The following OSBPL6 variants were observed in gnomAD, a reference collection of about 807,000 sequenced individuals.
OSBPL6 encodes oxysterol-binding protein-related protein 6.
Under a neutral mutation model 125.8 loss-of-function variants are expected in OSBPL6, and 49 were observed. That is an observed-to-expected ratio of 0.39 (90% CI 0.31 to 0.49). The LOEUF (loss-of-function observed/expected upper bound fraction) is 0.49. Ranked by LOEUF, OSBPL6 falls within the 20% of genes least tolerant of loss-of-function variation. The probability of loss-of-function intolerance (pLI) is 0.88; values close to 1 mark genes in which losing one functional copy is unlikely to be tolerated. For missense variants in OSBPL6, 986 were observed against 1,135.4 expected (o/e 0.87, Z 1.89); for synonymous variants, 394 against 391.8 (o/e 1.01, Z -0.07).
At position 178,339,734 on chromosome 2, in the gene OSBPL6, T is replaced by C. The variant is rs1282026976; in HGVS notation, c.957T>C (p.Ser319=). 1.2e-6 allele frequency: 2 copies of C among 1,605,880 alleles called. No homozygotes were observed. Among genetic ancestry groups the C allele is most frequent in the Admixed American group, 1.7e-5 (1 of 58,594 alleles). The change falls in exon 11 of 25, where the codon AGT becomes AGC. Residue 319 remains serine, a synonymous_variant. Coordinates refer to ENST00000190611, the MANE Select transcript of OSBPL6 (RefSeq NM_032523.4). ...TCACAAGACGATGGAGAACAAAAAGTGTCAGCAAAGATACAAAAATACAAC... is the reference window on the plus strand; with the variant it reads ...TCACAAGACGATGGAGAACAAAAAGCGTCAGCAAAGATACAAAAATACAAC... ...KRVTRRWRTK[S]VSKDTKIQLQ...
intron 22 of OSBPL6, 90 bp downstream of exon 22, chr2:178,391,307 T>C (rs2154118891): frequency 1.5e-6 from 2 of 1,350,286 alleles, no homozygotes; most frequent in East Asian, 5.0e-5. Flanking sequence ...CAACTCACAT[T>C]ATGTTTCCTT....
intron 1 of OSBPL6, among the ~76,000 whole-genome samples, chr2:178,215,600 T>C (rs1472692594): frequency 6.6e-6 from 1 of 152,064 alleles, no homozygotes; most frequent in Non-Finnish European, 1.5e-5. Context: ...CCCAGCTTTA[T>C]TCTGCAGAGA....
intron 1 of OSBPL6, among the ~76,000 whole-genome samples, chr2:178,267,816 GCA>G (rs1553538070): frequency 1.2e-5 from 1 of 85,102 alleles, no homozygotes; most frequent in African/African-American, 3.3e-5. Context: ...TCAAGTAATT[GCA>G]AAAAAAAAAA....
chr2:178,394,465 A>T (rs373159503), intron 24 of OSBPL6, 30 bp downstream of exon 24: 1 of 1,581,966 alleles, frequency 6.3e-7, no homozygotes, highest in Non-Finnish European at 8.6e-7. Flanking sequence ...TAGCAAGTTC[A>T]TGTTTTGCAA....
chr2:178,268,059 T>A (rs947225538), intron 1 of OSBPL6, among the ~76,000 whole-genome samples: 1 of 151,448 alleles, frequency 6.6e-6, no homozygotes, highest in African/African-American at 2.4e-5. Flanking sequence ...AAAGTAAATA[T>A]GGTGCTTTTA....
At chr2:178,237,389 A>ACTGCCTATGCTTTCATTCCTC (rs1370167083) in intron 1 of OSBPL6, among the ~76,000 whole-genome samples, 1 of 151,894 alleles carries the variant, frequency 6.6e-6, no homozygotes, top group Non-Finnish European at 1.5e-5. Context: ...CTGCATTCTT[A>ACTGCCTATGCTTTCATTCCTC]CTGCCTATGC....
chr2:178,354,625 A>T (rs1403682422), intron 12 of OSBPL6, among the ~76,000 whole-genome samples: 2 of 152,216 alleles, frequency 1.3e-5, no homozygotes, highest in African/African-American at 4.8e-5. Context: ...TTAGACTCCC[A>T]CACAATAATA....
chr2:178,261,899 G>A (rs183496072), intron 1 of OSBPL6, among the ~76,000 whole-genome samples: 1 of 152,122 alleles, frequency 6.6e-6, no homozygotes, highest in South Asian at 2.1e-4. Context: ...AGATTGGCTG[G>A]GTACAAACCC....
chr2:178,335,153 C>G (rs1689565426), intron 8 of OSBPL6, among the ~76,000 whole-genome samples: 1 of 151,936 alleles, frequency 6.6e-6, no homozygotes, highest in African/African-American at 2.4e-5. Flanking sequence ...ACATCACTGG[C>G]ACAGACTATT....
At chr2:178,390,149 T>C (rs1272962516) in intron 21 of OSBPL6, among the ~76,000 whole-genome samples, 1 of 152,244 alleles carries the variant, frequency 6.6e-6, no homozygotes, top group East Asian at 1.9e-4. Context: ...AACTAAAATA[T>C]GTAAATCAAG....
At chr2:178,218,864 G>A (rs1261307307) in intron 1 of OSBPL6, among the ~76,000 whole-genome samples, 2 of 151,954 alleles carry the variant, frequency 1.3e-5, no homozygotes, top group African/African-American at 4.8e-5. Flanking sequence ...TCCTGACCTC[G>A]TGATCTGCCC....
In OSBPL6 at chr2:178,332,582, A is replaced by G. The variant is rs1413089063; in HGVS notation, c.373-59A>G. ...GATTACTTTGAGTTCACTTAAATAC[A>G]GTACAGAAACATCAAATCATATATC... On this transcript the variant is annotated intron_variant, in intron 6 of 24. Transcript: ENST00000190611. 8 of 1,245,468 alleles carry G rather than the reference A, an allele frequency of 6.4e-6. No individual in the cohort carries two copies. In the South Asian group the frequency reaches 7.4e-5, roughly 12 times the overall value. The allele number at this position is 1,245,468 out of a possible 1,614,324, so 77.2% of individuals were successfully genotyped here.
At chr2:178,319,791 C>T (rs183110761) in intron 3 of OSBPL6, among the ~76,000 whole-genome samples, 8 of 152,210 alleles carry the variant, frequency 5.3e-5, no homozygotes, top group African/African-American at 1.4e-4. Flanking sequence ...GAGATACATG[C>T]GAGATAGCTG....
intron 12 of OSBPL6, among the ~76,000 whole-genome samples, chr2:178,355,947 A>C (rs1029785673): frequency 2.0e-5 from 3 of 152,264 alleles, no homozygotes; most frequent in African/African-American, 7.2e-5. Flanking sequence ...GCAAATCAAT[A>C]AACGTAATCC....
intron 2 of OSBPL6, among the ~76,000 whole-genome samples, chr2:178,298,624 C>A (rs1034375280): frequency 1.3e-5 from 2 of 151,376 alleles, no homozygotes; most frequent in Non-Finnish European, 2.9e-5. Context: ...CTCAGGTGAT[C>A]TGCCCACCTC....
chr2:178,204,632 A>G (rs576065001), intron 1 of OSBPL6, among the ~76,000 whole-genome samples: 4 of 152,220 alleles, frequency 2.6e-5, no homozygotes, highest in African/African-American at 9.7e-5. Flanking sequence ...TGTCTCCAAC[A>G]GGAAGATAAA....
intron 23 of OSBPL6, among the ~76,000 whole-genome samples, chr2:178,393,258 CAG>C (rs1401031639): frequency 6.6e-6 from 1 of 152,152 alleles, no homozygotes; most frequent in Non-Finnish European, 1.5e-5. Flanking sequence ...CAGGGGAACT[CAG>C]AAATGCTTTG....
chr2:178,394,395 A>C lies in OSBPL6; in HGVS notation c.2656A>C (p.Met886Leu). The C allele has an allele frequency of 6.2e-7, 1 of 1,613,192 alleles. No homozygotes were observed. Among genetic ancestry groups the C allele is most frequent in the Non-Finnish European group, 8.5e-7 (1 of 1,179,538 alleles). The change falls in exon 24 of 25, where the codon ATG becomes CTG. Residue 886 changes from methionine to leucine, a missense_variant. Physicochemically the swap from Met to Leu is conservative, Grantham distance 15. This residue lies in a region of OSBPL6 where 843 missense variants were observed against 997.3 expected (regional missense o/e 0.85). Coordinates refer to ENST00000190611, the MANE Select transcript of OSBPL6 (RefSeq NM_032523.4). ...ACTCCAGAGATCTCGGAGACGATAT[A>C]TGGAAGAAAACAATCTTGAACATAT... ...EELQRSRRRY[M>L]EENNLEHIPK...
chr2:178,347,257 A>C (rs1297878384), intron 11 of OSBPL6, among the ~76,000 whole-genome samples: 1 of 152,160 alleles, frequency 6.6e-6, no homozygotes, highest in Non-Finnish European at 1.5e-5. Context: ...CTTCCAAGCC[A>C]TGTGAGTCCT....
Sources: allele counts gnomAD v4.1 joint callset (sites outside exome capture counted in the v4.1 genomes callset), GRCh38; gene constraint gnomAD v4.1.1; regional missense constraint gnomAD v4.1.1; transcripts MANE v1.5; gene names NCBI Gene and HGNC (gene_info 2026-07-23, HGNC 2026-07-21).